Variants in PUM2 observed in about 807,000 individuals in gnomAD.
PUM2 encodes pumilio RNA binding family member 2.
Under a neutral mutation model 124.5 loss-of-function variants are expected in PUM2, and 57 were observed. That is an observed-to-expected ratio of 0.46 (90% CI 0.37 to 0.57). The LOEUF (loss-of-function observed/expected upper bound fraction) is 0.57, where lower values mean the gene tolerates loss of function less well. Ranked by LOEUF, PUM2 falls within the 20% of genes least tolerant of loss-of-function variation. The pLI, the probability that PUM2 is intolerant of heterozygous loss-of-function variation, is 0.00. For synonymous variants in PUM2, 460 were observed against 446.1 expected (o/e 1.03, Z -0.39); for missense variants, 1,065 against 1,290.6 (o/e 0.83, Z 2.68).
In PUM2 at chr2:20,249,174, T is replaced by C. The variant is rs1295608579; in HGVS notation, c.*2411A>G. The C allele has an allele frequency of 6.6e-6, 1 of 152,168 alleles. No homozygotes were observed. Among genetic ancestry groups the C allele is most frequent in the East Asian group, 1.9e-4 (1 of 5,188 alleles). The allele number at this position is 152,168 out of a possible 1,614,324, so 9.4% of individuals were successfully genotyped here. ...ATTCTCTACTTGTCATTTTCTAAAA[T>C]TGCAGAGATAATGCCTGTGCCAACA... On this transcript the variant is annotated 3_prime_UTR_variant, in exon 21 of 21. Coordinates refer to ENST00000361078, the MANE Select transcript of PUM2 (RefSeq NM_015317.5).
At chr2:20,311,849 A>C (rs1488028660) in intron 4 of PUM2, among the ~76,000 whole-genome samples, 186 bp from the exon 5 acceptor site, 1 of 152,188 alleles carries the variant, frequency 6.6e-6, no homozygotes, top group East Asian at 1.9e-4. Flanking sequence ...TTTATAACAG[A>C]AGGGCTAAGG....
At chr2:20,263,629 C>T (rs1014547665) in intron 13 of PUM2, among the ~76,000 whole-genome samples, 169 bp from the exon 14 acceptor site, 1 of 152,144 alleles carries the variant, frequency 6.6e-6, no homozygotes, top group East Asian at 1.9e-4. Flanking sequence ...CCATATACCT[C>T]ATGTATGTGG....
At chr2:20,302,790 A>G (rs186659733) in intron 7 of PUM2, among the ~76,000 whole-genome samples, 176 of 152,314 alleles carry the variant, frequency 1.2e-3, no homozygotes, top group Non-Finnish European at 9.0e-4. Flanking sequence ...TGCAGAAAGA[A>G]ATGCAGAAAC....
At chr2:20,344,579 T>G (rs1206026416) in intron 1 of PUM2, among the ~76,000 whole-genome samples, 1 of 152,178 alleles carries the variant, frequency 6.6e-6, no homozygotes, top group Non-Finnish European at 1.5e-5. Flanking sequence ...TCCCTATAAC[T>G]GCACCTTAAA....
At chr2:20,267,678 T>C (rs1180763339) in intron 13 of PUM2, among the ~76,000 whole-genome samples, 1 of 152,220 alleles carries the variant, frequency 6.6e-6, no homozygotes, top group Admixed American at 6.5e-5. Context: ...ATAGGACATG[T>C]AGATCAGTAC....
At chr2:20,283,599 C>T (rs1020718520) in intron 10 of PUM2, 113 bp from the exon 11 acceptor site, 2 of 1,063,094 alleles carry the variant, frequency 1.9e-6, no homozygotes, top group Non-Finnish European at 2.7e-6. Flanking sequence ...TGTACCATTA[C>T]TATAAAATCC....
chr2:20,294,436 A>G lies in PUM2; in HGVS notation c.1092T>C (p.Ala364=), dbSNP rs762571094. The G allele has an allele frequency of 8.4e-5, 135 of 1,614,096 alleles. 1 individual carries two copies. In the East Asian group the frequency reaches 3.0e-3, roughly 35 times the overall value. Residue 364 remains alanine (A), a synonymous_variant, in exon 9 of 21, where the codon GCT becomes GCC. Transcript: ENST00000361078. ...PANLFQQQAA[A]AANNTASQQA... is the part of the protein sequence containing the mutation. ...GCTGACTGGCTGTGTTATTTGCCGC[A>G]GCTGCAGCTTGCTGCTGAAATAAGT...
chr2:20,284,292 C>A (rs1046471897), intron 10 of PUM2, among the ~76,000 whole-genome samples: 1 of 152,158 alleles, frequency 6.6e-6, no homozygotes, highest in African/African-American at 2.4e-5. Flanking sequence ...GAAAGGCTGC[C>A]TTATAAAGCG....
chr2:20,344,179 C>T (rs1430613062), intron 1 of PUM2, among the ~76,000 whole-genome samples: 1 of 152,128 alleles, frequency 6.6e-6, no homozygotes, highest in East Asian at 1.9e-4. Context: ...GAGATCCTCG[C>T]GCCTCAGCCT....
chr2:20,348,110 C>T (rs1374769723), intron 1 of PUM2, among the ~76,000 whole-genome samples: 1 of 151,862 alleles, frequency 6.6e-6, no homozygotes, highest in South Asian at 2.1e-4. Context: ...ACTGCTTGAG[C>T]CCAGGAGTTT....
At chr2:20,291,821 C>T (rs1239257109) in intron 9 of PUM2, among the ~76,000 whole-genome samples, 1 of 152,106 alleles carries the variant, frequency 6.6e-6, no homozygotes, top group Non-Finnish European at 1.5e-5. Flanking sequence ...AAAGAAAGGG[C>T]ATTGTTTGTC....
At chr2:20,291,307 C>T (rs1191048357) in intron 9 of PUM2, among the ~76,000 whole-genome samples, 1 of 152,190 alleles carries the variant, frequency 6.6e-6, no homozygotes. Context: ...AACTTTCCTG[C>T]CTAAAGTCAG....
At chr2:20,341,457 T>G (rs115415808) in intron 1 of PUM2, among the ~76,000 whole-genome samples, 1 of 152,222 alleles carries the variant, frequency 6.6e-6, no homozygotes, top group Non-Finnish European at 1.5e-5. Flanking sequence ...GTGTATCATA[T>G]GATCCAATTT....
chr2:20,318,221 A>G (rs917951746), intron 3 of PUM2, among the ~76,000 whole-genome samples: 1 of 152,140 alleles, frequency 6.6e-6, no homozygotes, highest in African/African-American at 2.4e-5. Flanking sequence ...TAGCCACAGA[A>G]TTTTACAATC....
In PUM2 at chr2:20,251,475, T is replaced by C; in HGVS notation, c.*110A>G. On this transcript the variant is annotated 3_prime_UTR_variant, in exon 21 of 21. Transcript: ENST00000361078. ...GATGAATAAAGTCAATAAATAGTTT[T>C]GCTTTAAAAAAAAATTGAAGATTCA... is the stretch of plus-strand genomic sequence containing the variant. 1 of 1,332,612 alleles carries C rather than the reference T, an allele frequency of 7.5e-7. No individual in the cohort carries two copies. The highest frequency in any genetic ancestry group is 1.0e-6 in the Non-Finnish European group (1 of 978,502). The allele number at this position is 1,332,612 out of a possible 1,614,324, so 82.5% of individuals were successfully genotyped here.
chr2:20,271,765 T>C (rs1234164683), intron 13 of PUM2, among the ~76,000 whole-genome samples: 1 of 152,170 alleles, frequency 6.6e-6, no homozygotes, highest in East Asian at 1.9e-4. Flanking sequence ...AAAGTCACAA[T>C]AGGTTAAATT....
In PUM2 at chr2:20,343,455, T is replaced by C. The variant is rs182262354; in HGVS notation, c.-19+7142A>G. 5.3e-5 allele frequency among the ~76,000 whole-genome samples: 8 copies of C among 152,054 alleles called. No homozygotes were observed. In the East Asian group the frequency reaches 1.6e-3, roughly 29 times the overall value. On this transcript the variant is annotated intron_variant, in intron 1 of 20. Transcript: ENST00000361078. ...TTCTAAATAAAAATAACTAAGTAAT[T>C]TATTAAATAAAATAGCAAATAAACT...
chr2:20,261,381 G>A (rs1157061034), intron 14 of PUM2, among the ~76,000 whole-genome samples: 5 of 99,564 alleles, frequency 5.0e-5, no homozygotes, highest in Non-Finnish European at 8.1e-5. Flanking sequence ...GCGACAGAGT[G>A]AGACTCTGTC....
At chr2:20,308,101 T>C (rs972006488) in intron 6 of PUM2, 30 bp from the exon 7 acceptor site, 7 of 1,583,494 alleles carry the variant, frequency 4.4e-6, no homozygotes, top group Middle Eastern at 3.3e-4. Flanking sequence ...ACACAAAGAT[T>C]AGTGTCAAAA....
Sources: gnomAD v4.1 joint callset for allele counts (sites outside exome capture counted in the v4.1 genomes callset) on GRCh38, gnomAD v4.1.1 for gene constraint, MANE v1.5 for transcripts, NCBI Gene and HGNC (gene_info 2026-07-23, HGNC 2026-07-21) for gene names.